The following ZC4H2 variants were observed in gnomAD, a reference collection of about 807,000 sequenced individuals.
ZC4H2 encodes zinc finger C4H2-type containing.
For missense variants in ZC4H2, 137 were observed against 173.9 expected, an observed-to-expected ratio of 0.79 and a Z score of 1.19; for synonymous variants, 84 against 66.3, an observed-to-expected ratio of 1.27 and a Z score of -1.30.
Position 64,917,321 on chromosome X carries a change from T to A in ZC4H2, c.*462A>T, listed in dbSNP as rs1249230134. 1 of 114,924 alleles carries A rather than the reference T, an allele frequency of 8.7e-6. No individual in the cohort carries two copies. Among genetic ancestry groups the A allele is most frequent in the African/African-American group, 3.3e-5 (1 of 30,632 alleles). 9.5% of individuals were successfully genotyped at this position (114,924 alleles called of 1,213,427 possible). On this transcript the variant is annotated 3_prime_UTR_variant, in exon 5 of 5. Coordinates refer to ENST00000374839, the MANE Select transcript of ZC4H2 (RefSeq NM_018684.4). The stretch of plus-strand genomic sequence containing the variant: ...AGTAGGGGGATACATGCACCCAGCC[T>A]GTTGGAGAATCCAACATGAAGACTA...
chrX:64,924,733 A>G (rs1313883711), intron 1 of ZC4H2, among the ~76,000 whole-genome samples: 1 of 110,997 alleles, frequency 9.0e-6, no homozygotes, highest in Non-Finnish European at 1.9e-5. Flanking sequence ...AGCATGAGTA[A>G]TGGCCCCACA....
chrX:64,917,711 C>A lies in ZC4H2; in HGVS notation c.*72G>T. ...GTGGGGTTGGGCAAGGGTTGTTTCA[C>A]ATCAGGACATCAATGACTCTGGTCA... On this transcript the variant is annotated 3_prime_UTR_variant, in exon 5 of 5. Coordinates refer to ENST00000374839, the MANE Select transcript of ZC4H2 (RefSeq NM_018684.4). 1 of 1,167,761 alleles carries A rather than the reference C, an allele frequency of 8.6e-7. No individual in the cohort carries two copies. Among genetic ancestry groups the A allele is most frequent in the Non-Finnish European group, 1.1e-6 (1 of 872,417 alleles).
intron 1 of ZC4H2, among the ~76,000 whole-genome samples, chrX:65,009,087 G>A (rs569989834): frequency 1.8e-5 from 2 of 111,734 alleles, no homozygotes; most frequent in South Asian, 3.7e-4. Context: ...CCATAAATAT[G>A]TACAACTATT....
At chrX:64,974,797 C>G (rs1268764742) in intron 1 of ZC4H2, among the ~76,000 whole-genome samples, 2 of 109,194 alleles carry the variant, frequency 1.8e-5, no homozygotes, top group Non-Finnish European at 3.8e-5. Flanking sequence ...AAAGTCCTTG[C>G]TCACAACTGG....
At chrX:64,959,771 C>T (rs769058800) in intron 1 of ZC4H2, among the ~76,000 whole-genome samples, 8 of 110,309 alleles carry the variant, frequency 7.3e-5, no homozygotes, top group Admixed American at 1.9e-4. Context: ...CAGATACTGA[C>T]GACACCACCA....
rs997794672 is a variant in ZC4H2 at position 64,959,835 on chromosome X, A to G, written c.53+16490T>C. Among the ~76,000 whole-genome samples, 10 of 110,882 alleles carry G rather than the reference A, an allele frequency of 9.0e-5. No homozygotes were observed. In the East Asian group the frequency reaches 1.4e-3, roughly 16 times the overall value. On this transcript the variant is annotated intron_variant, in intron 1 of 4. Transcript: ENST00000374839. Reference sequence around the variant, plus strand: ...ATGTTTAAGCATGATTAAAACACCAATGGATTTTAAGACACACCCTGACTT... The same window carrying G: ...ATGTTTAAGCATGATTAAAACACCAGTGGATTTTAAGACACACCCTGACTT...
chrX:65,021,670 A>G (rs1932837518), intron 1 of ZC4H2, among the ~76,000 whole-genome samples: 1 of 111,362 alleles, frequency 9.0e-6, no homozygotes, highest in Non-Finnish European at 1.9e-5. Context: ...AGAAATAACT[A>G]AGATCAGAGC....
intron 1 of ZC4H2, among the ~76,000 whole-genome samples, chrX:65,008,439 T>C (rs1364451590): frequency 8.9e-6 from 1 of 112,102 alleles, no homozygotes; most frequent in Non-Finnish European, 1.9e-5. Flanking sequence ...AACTACCATA[T>C]GATCGGGCAA....
chrX:64,927,098 AT>A (rs1215908811), intron 1 of ZC4H2, among the ~76,000 whole-genome samples: 1 of 110,594 alleles, frequency 9.0e-6, no homozygotes, highest in East Asian at 2.8e-4. Flanking sequence ...GAGTATTTAA[AT>A]TTTTTTTAAA....
chrX:64,946,581 G>GCACA (rs61275459), intron 1 of ZC4H2, among the ~76,000 whole-genome samples: 2,708 of 95,844 alleles, frequency 0.028, 109 homozygotes, highest in African/African-American at 0.098. Context: ...TTAAATGCGT[G>GCACA]CACACACACA....
intron 1 of ZC4H2, among the ~76,000 whole-genome samples, chrX:65,017,324 T>C: frequency 8.9e-6 from 1 of 112,359 alleles, no homozygotes; most frequent in Admixed American, 9.4e-5. Flanking sequence ...ATTTACTTGC[T>C]ATTTTATTTC....
intron 1 of ZC4H2, among the ~76,000 whole-genome samples, chrX:64,999,986 C>T (rs1185352670): frequency 8.9e-6 from 1 of 112,119 alleles, no homozygotes; most frequent in African/African-American, 3.2e-5. Flanking sequence ...GACAGAGCAC[C>T]TGGGGGAAGG....
chrX:65,018,426 G>A (rs146837272), intron 1 of ZC4H2, among the ~76,000 whole-genome samples: 26 of 112,109 alleles, frequency 2.3e-4, no homozygotes, highest in African/African-American at 7.1e-4. Context: ...AAGCACAAAG[G>A]GTTGGTGGAT....
At chrX:65,034,609 C>T (rs997215906) in intron 1 of ZC4H2, 1 of 112,119 alleles carries the variant, frequency 8.9e-6, no homozygotes, top group East Asian at 2.8e-4. Context: ...CATCCTGGAC[C>T]TCTCCTCACC....
At chrX:64,976,519 G>T, upstream of ZC4H2, 1 of 624,019 alleles carries the variant, frequency 1.6e-6, no homozygotes, top group Non-Finnish European at 2.5e-6. Context: ...GGGAGCTGTA[G>T]TCCGGAGCTT....
intron 1 of ZC4H2, among the ~76,000 whole-genome samples, chrX:64,986,780 A>G (rs1195005309): frequency 1.8e-5 from 2 of 111,254 alleles, no homozygotes; most frequent in African/African-American, 6.5e-5. Context: ...TGGACAGCAA[A>G]TTGGGGCATA....
chrX:64,945,894 C>T (rs1265932053), intron 1 of ZC4H2, among the ~76,000 whole-genome samples: 3 of 110,994 alleles, frequency 2.7e-5, no homozygotes, highest in African/African-American at 9.8e-5. Context: ...GGAAAACCAC[C>T]TACTCAAGTC....
intron 1 of ZC4H2, among the ~76,000 whole-genome samples, chrX:64,941,561 T>C (rs1054374683): frequency 8.9e-6 from 1 of 112,056 alleles, no homozygotes; most frequent in Admixed American, 9.5e-5. Context: ...TTTTGAGATA[T>C]GTTCCATCAA....
chrX:64,961,872 T>C (rs1931405967), intron 1 of ZC4H2, among the ~76,000 whole-genome samples: 1 of 111,329 alleles, frequency 9.0e-6, no homozygotes, highest in African/African-American at 3.3e-5. Flanking sequence ...CCTGTATAAA[T>C]AGAAAATCTG....
Sources: gnomAD v4.1 joint callset for allele counts (sites outside exome capture counted in the v4.1 genomes callset) on GRCh38, gnomAD v4.1.1 for gene constraint, MANE v1.5 for transcripts, NCBI Gene and HGNC (gene_info 2026-07-23, HGNC 2026-07-21) for gene names.